FANCA: variants seen among roughly 807,000 people sequenced by gnomAD.
The protein encoded by FANCA is FA complementation group A.
A neutral mutation model predicts 194.3 loss-of-function variants in FANCA; 236 were observed. The ratio of observed to expected loss-of-function variants is 1.21; its 90% CI spans 1.09 to 1.35. FANCA has a LOEUF of 1.35. Ranked by LOEUF, FANCA falls within the 40% of genes most tolerant of loss-of-function variation. The probability of loss-of-function intolerance (pLI) is 0.00; values close to 1 mark genes in which losing one functional copy is unlikely to be tolerated. For missense variants in FANCA, 2,628 were observed against 1,813.9 expected (o/e 1.45, Z -8.15); for synonymous variants, 1,014 against 715.8 (o/e 1.42, Z -6.65).
intron 20 of FANCA, among the ~76,000 whole-genome samples, chr16:89,777,937 A>C (rs1018480230): frequency 2.0e-5 from 3 of 152,092 alleles, no homozygotes; most frequent in African/African-American, 7.2e-5. Context: ...CGAGGTGGGC[A>C]GATCGCTTGA....
chr16:89,777,302 A>C (rs1238764024), intron 20 of FANCA, among the ~76,000 whole-genome samples: 1 of 152,184 alleles, frequency 6.6e-6, no homozygotes, highest in Non-Finnish European at 1.5e-5. Flanking sequence ...GGACTGTTGA[A>C]GCCCAGGAGG....
In FANCA at chr16:89,765,062, T is replaced by G. The variant is rs780825099; in HGVS notation, c.2606A>C (p.Gln869Pro). The change falls in exon 28 of 43, where the codon CAG (glutamine) becomes CCG (proline). Residue 869 changes from glutamine (Q) to proline (P), a missense_variant. By Grantham distance (76) the Gln-to-Pro change is moderately conservative. Transcript: ENST00000389301. ...CLSPGLIKKF[Q>P]FLMFRLFSEA... ...TGAGAACAATCTGAACATGAGGAAC[T>G]GAAACTGAAACAGAGAGTGACCCGG... is the stretch of plus-strand genomic sequence containing the variant. 40 of 1,613,936 alleles carry G rather than the reference T, an allele frequency of 2.5e-5. No homozygotes were observed. Among genetic ancestry groups the G allele is most frequent in the Non-Finnish European group, 3.3e-5 (39 of 1,179,950 alleles).
chr16:89,768,142 G>A (rs1025589282), intron 26 of FANCA, among the ~76,000 whole-genome samples: 5 of 152,188 alleles, frequency 3.3e-5, no homozygotes, highest in Admixed American at 1.3e-4. Flanking sequence ...AGCTGGGTGT[G>A]TGGGTGTGCA....
At chr16:89,775,668 G>C in intron 21 of FANCA, 74 bp downstream of exon 21, 1 of 1,265,864 alleles carries the variant, frequency 7.9e-7, no homozygotes, top group East Asian at 2.4e-5. Context: ...GGGTGGTGTA[G>C]CACAACAGAC....
intron 13 of FANCA, 74 bp downstream of exon 13, chr16:89,791,853 G>C (rs2143528853): frequency 6.3e-7 from 1 of 1,590,428 alleles, no homozygotes; most frequent in Non-Finnish European, 8.6e-7. Context: ...CTCACCCACA[G>C]TCAGCTGGGA....
chr16:89,811,198 G>A (rs763978047), intron 3 of FANCA, 127 bp from the exon 4 acceptor site: 110 of 1,122,338 alleles, frequency 9.8e-5, no homozygotes, highest in Non-Finnish European at 1.3e-4. Flanking sequence ...TAAACGGGGA[G>A]AATAGATGCA....
intron 21 of FANCA, among the ~76,000 whole-genome samples, chr16:89,774,971 A>G (rs2143386311): frequency 6.6e-6 from 1 of 151,718 alleles, no homozygotes; most frequent in East Asian, 1.9e-4. Flanking sequence ...GTGCGTGCCT[A>G]TAATCCCAGC....
In FANCA at chr16:89,752,172, C is replaced by T. The variant is rs200022826; in HGVS notation, c.3032G>A (p.Arg1011His). The T allele has an allele frequency of 6.1e-5, 98 of 1,614,020 alleles. 1 individual carries two copies. The highest frequency in any genetic ancestry group is 7.5e-5 in the Non-Finnish European group (89 of 1,179,962). The part of the protein sequence containing the change: ...SENSDLVFGG[R>H]TGNEDIISRL... ...GGAAATAATATCCTCATTTCCTGTG[C>T]GGCCACCAAAGACCAAATCAGAATT... is the stretch of plus-strand genomic sequence containing the variant. Residue 1011 changes from arginine to histidine, a missense_variant, in exon 31 of 43, where the codon CGC (arginine) becomes CAC (histidine). By Grantham distance (29) the Arg-to-His change is conservative. Transcript: ENST00000389301.
chr16:89,792,897 G>C (rs2040124051), intron 11 of FANCA, among the ~76,000 whole-genome samples: 1 of 152,200 alleles, frequency 6.6e-6, no homozygotes, highest in African/African-American at 2.4e-5. Context: ...CCGAGGCAGA[G>C]AGGGAGAGGA....
rs979397013 is a variant in FANCA at position 89,796,885 on chromosome 16, G to A, written c.894-867C>T. 1.4e-4 allele frequency among the ~76,000 whole-genome samples: 21 copies of A among 152,096 alleles called. 1 individual carries two copies. The East Asian group carries it at 3.9e-3, about 28-fold the overall frequency. ...AAAATACCAAAATATTAGGCCAGGC[G>A]CATTGGCTCACACCTGTAATCCCAG... On this transcript the variant is annotated intron_variant, in intron 10 of 42. Coordinates refer to ENST00000389301, the MANE Select transcript of FANCA (RefSeq NM_000135.4).
At chr16:89,795,473 C>A (rs1340236521) in intron 11 of FANCA, among the ~76,000 whole-genome samples, 1 of 151,942 alleles carries the variant, frequency 6.6e-6, no homozygotes, top group Admixed American at 6.6e-5. Context: ...CCAGTCTCTA[C>A]TAAAAATACA....
intron 12 of FANCA, 41 bp downstream of exon 12, chr16:89,792,430 G>A (rs183521827): frequency 2.9e-5 from 46 of 1,586,990 alleles, no homozygotes; most frequent in African/African-American, 2.7e-4. Context: ...TAATCCCCCC[G>A]CCACGAGCTC....
intron 33 of FANCA, among the ~76,000 whole-genome samples, chr16:89,747,934 CAA>C (rs532021824): frequency 8.9e-4 from 136 of 152,178 alleles, no homozygotes; most frequent in African/African-American, 3.2e-3. Flanking sequence ...TTATTTGAGA[CAA>C]GAGTTTCGCT....
chr16:89,771,601 G>C, intron 23 of FANCA, 77 bp downstream of exon 23: 2 of 1,520,248 alleles, frequency 1.3e-6, no homozygotes, highest in East Asian at 2.3e-5. Context: ...ATTGAGAGAA[G>C]GCTCCATGCG....
intron 30 of FANCA, 140 bp downstream of exon 30, chr16:89,758,437 G>C: frequency 1.1e-6 from 1 of 944,026 alleles, no homozygotes; most frequent in Non-Finnish European, 1.7e-6. Flanking sequence ...AAAGGAGACT[G>C]ACATTTGGGT....
intron 29 of FANCA, among the ~76,000 whole-genome samples, chr16:89,759,788 A>G (rs561747864): frequency 6.6e-6 from 1 of 152,336 alleles, no homozygotes; most frequent in Non-Finnish European, 1.5e-5. Context: ...CGCAGTGCAC[A>G]GAACCATCAA....
chr16:89,816,583 C>G lies in FANCA; in HGVS notation c.33G>C (p.Ser11=), dbSNP rs1159682058. The G allele has an allele frequency of 1.4e-5, 21 of 1,525,552 alleles. No individual in the cohort carries two copies. The highest frequency in any genetic ancestry group is 2.8e-5 in the African/African-American group (2 of 70,452). The allele number at this position is 1,525,552 out of a possible 1,614,324, so 94.5% of individuals were successfully genotyped here. A position where few individuals can be genotyped will look rare whatever the true frequency, so the allele number is the denominator to read the frequency against. Residue 11 remains serine, a synonymous_variant, in exon 1 of 43, where the codon TCG becomes TCC. Transcript: ENST00000389301. ...TCCGGCGGCCCCCTGGGTCCTGGCC[C>G]GAGGCGGAGTTCGGGACCCACGAGT... is the stretch of plus-strand genomic sequence containing the variant. MSDSWVPNSA[S]GQDPGGRRRA... is the part of the protein sequence containing the mutation.
chr16:89,788,641 T>C (rs957143687), intron 14 of FANCA, among the ~76,000 whole-genome samples: 2 of 151,492 alleles, frequency 1.3e-5, no homozygotes, highest in African/African-American at 4.9e-5. Context: ...TACAAAAAAA[T>C]TTTTTTTAAT....
In FANCA at chr16:89,742,868, C is replaced by T. The variant is rs751899346; in HGVS notation, c.3697G>A (p.Ala1233Thr). Residue 1233 changes from alanine to threonine, a missense_variant, in exon 37 of 43, where the codon GCG becomes ACG. Coordinates refer to ENST00000389301, the MANE Select transcript of FANCA (RefSeq NM_000135.4). ...TTTTCTTCCCTGACTTGTTGAATCGCAAAGTGCAGTGCAGCAGCTGAGAGC... is the reference window on the plus strand; with the variant it reads ...TTTTCTTCCCTGACTTGTTGAATCGTAAAGTGCAGTGCAGCAGCTGAGAGC... ...DWLSAAALHF[A>T]IQQVREENIR... is the part of the protein sequence containing the mutation. The T allele has an allele frequency of 8.7e-6, 14 of 1,614,022 alleles. No individual in the cohort carries two copies. Among genetic ancestry groups the T allele is most frequent in the Middle Eastern group, 1.6e-4 (1 of 6,084 alleles).
Sources: allele counts gnomAD v4.1 joint callset (sites outside exome capture counted in the v4.1 genomes callset), GRCh38; gene constraint gnomAD v4.1.1; transcripts MANE v1.5; gene names NCBI Gene and HGNC (gene_info 2026-07-23, HGNC 2026-07-21).